The following SIPA1L2 variants were observed in gnomAD, a reference collection of about 807,000 sequenced individuals.
SIPA1L2 encodes signal-induced proliferation-associated 1-like protein 2.
Under a neutral mutation model 163.9 loss-of-function variants are expected in SIPA1L2, and 56 were observed. The observed-to-expected ratio is 0.34, with a 90% CI of 0.28 to 0.43. SIPA1L2 has a LOEUF of 0.43. SIPA1L2 is among the 20% of genes least tolerant of loss of function. The pLI is 1.00. For missense variants in SIPA1L2, 1,974 were observed against 2,193.5 expected, an observed-to-expected ratio of 0.90 and a Z score of 2.00; for synonymous variants, 877 against 865.7, an observed-to-expected ratio of 1.01 and a Z score of -0.23.
Position 232,465,076 on chromosome 1 carries a change from G to A in SIPA1L2, c.2584C>T (p.Arg862Trp), listed in dbSNP as rs779861491. 5.0e-6 allele frequency: 8 copies of A among 1,614,078 alleles called. No individual in the cohort carries two copies. The highest frequency in any genetic ancestry group is 3.3e-5 in the South Asian group (3 of 91,072). ...IGAIMWHVIA[R>W]DFGQSADIEC... ...ATGTCAGCAGACTGGCCGAAGTCCCGGGCTATCACGTGCCACATGATGGCC... is the reference window on the plus strand; with the variant it reads ...ATGTCAGCAGACTGGCCGAAGTCCCAGGCTATCACGTGCCACATGATGGCC... The change falls in exon 9 of 23, where the codon CGG becomes TGG. Residue 862 changes from arginine (R) to tryptophan (W), a missense_variant. By Grantham distance (101) the Arg-to-Trp change is moderately radical (BLOSUM62 -3). Coordinates refer to ENST00000674635, the MANE Select transcript of SIPA1L2 (RefSeq NM_020808.5). The surrounding 1 kb of genome is among the most constrained non-coding windows in gnomAD (Gnocchi z 4.1).
intron 9 of SIPA1L2, among the ~76,000 whole-genome samples, chr1:232,463,944 T>C (rs1664375675): frequency 6.6e-6 from 1 of 152,114 alleles, no homozygotes; most frequent in African/African-American, 2.4e-5. Context: ...TGGTCTCTAA[T>C]AACAAAAGGG....
At chr1:232,513,654 AC>A (rs1187165898) in intron 3 of SIPA1L2, among the ~76,000 whole-genome samples, 1 of 152,202 alleles carries the variant, frequency 6.6e-6, no homozygotes, top group Non-Finnish European at 1.5e-5. Flanking sequence ...CTACCCATAA[AC>A]AAAGGCATGG....
chr1:232,620,280 T>C lies in SIPA1L2; in HGVS notation c.-319+9589A>G, dbSNP rs10495332. ...TTAAACACACTAATGCTTGCAGGGA[T>C]GACAAGGAAAGCAAGTGCATATTGC... On this transcript the variant is annotated intron_variant, in intron 1 of 22. Coordinates refer to ENST00000674635, the MANE Select transcript of SIPA1L2 (RefSeq NM_020808.5). Among the ~76,000 whole-genome samples, 4,603 of 152,268 alleles carry C rather than the reference T, an allele frequency of 0.03. 378 individuals carry two copies. The East Asian group carries it at 0.35, about 12-fold the overall frequency.
At chr1:232,613,790 T>C (rs1209694319) in intron 1 of SIPA1L2, among the ~76,000 whole-genome samples, 2 of 152,102 alleles carry the variant, frequency 1.3e-5, no homozygotes, top group Non-Finnish European at 2.9e-5. Context: ...AATATGACCT[T>C]TCAGGTGCTA....
At chr1:232,622,082 C>A (rs1662838424) in intron 1 of SIPA1L2, among the ~76,000 whole-genome samples, 2 of 152,124 alleles carry the variant, frequency 1.3e-5, no homozygotes, top group African/African-American at 4.8e-5. Context: ...TGAGTTACAA[C>A]GATCCTCAAA....
At chr1:232,583,485 T>C (rs934892225) in intron 1 of SIPA1L2, among the ~76,000 whole-genome samples, 4 of 152,158 alleles carry the variant, frequency 2.6e-5, no homozygotes, top group South Asian at 2.1e-4. Flanking sequence ...AGACCATCCA[T>C]GGTCAAATGG....
chr1:232,456,487 T>A (rs1314205594), intron 10 of SIPA1L2, among the ~76,000 whole-genome samples: 1 of 152,160 alleles, frequency 6.6e-6, no homozygotes, highest in Non-Finnish European at 1.5e-5. Flanking sequence ...GTCAACAAAG[T>A]ATGAAAAAAA....
At chr1:232,531,642 T>C (rs969104487) in intron 2 of SIPA1L2, among the ~76,000 whole-genome samples, 1 of 152,168 alleles carries the variant, frequency 6.6e-6, no homozygotes, top group Admixed American at 6.5e-5. Context: ...CAGAGGAACA[T>C]CTTTTGGTTC....
intron 1 of SIPA1L2, among the ~76,000 whole-genome samples, chr1:232,604,268 G>C (rs1262880564): frequency 6.6e-6 from 1 of 152,124 alleles, no homozygotes; most frequent in Non-Finnish European, 1.5e-5. Context: ...TTTGTATTTT[G>C]ACTTTAAAAA....
intron 2 of SIPA1L2, among the ~76,000 whole-genome samples, chr1:232,518,294 T>C (rs1667301037): frequency 6.6e-6 from 1 of 152,170 alleles, no homozygotes; most frequent in Non-Finnish European, 1.5e-5. Context: ...CCCTTTCTTC[T>C]GGTAATGGTG....
chr1:232,441,837 C>G lies in SIPA1L2; in HGVS notation c.3469G>C (p.Gly1157Arg), dbSNP rs1330207683. 2 of 1,613,512 alleles carry G rather than the reference C, an allele frequency of 1.2e-6. No homozygotes were observed. The highest frequency in any genetic ancestry group is 2.2e-5 in the East Asian group (1 of 44,856). Residue 1157 changes from glycine (G) to arginine (R), a missense_variant, in exon 13 of 23, where the codon GGC becomes CGC. Physicochemically the swap from Gly to Arg is moderately radical, Grantham distance 125 (BLOSUM62 -2). Coordinates refer to ENST00000674635, the MANE Select transcript of SIPA1L2 (RefSeq NM_020808.5). ...CQSPLLLEHQ[G>R]SGPLECDGAR... ...CCGTCACATTCCAAAGGGCCTGAGCCCTGGTGTTCGAGCAGTAGAGGGGAC... is the reference window on the plus strand; with the variant it reads ...CCGTCACATTCCAAAGGGCCTGAGCGCTGGTGTTCGAGCAGTAGAGGGGAC...
chr1:232,464,041 C>A (rs1285658488), intron 9 of SIPA1L2, among the ~76,000 whole-genome samples: 1 of 151,712 alleles, frequency 6.6e-6, no homozygotes, highest in Non-Finnish European at 1.5e-5. Flanking sequence ...TAAACCTTTT[C>A]TAATTAAAAA....
At chr1:232,573,915 T>C (rs1659942303) in intron 2 of SIPA1L2, among the ~76,000 whole-genome samples, 1 of 152,158 alleles carries the variant, frequency 6.6e-6, no homozygotes, top group Admixed American at 6.5e-5. Flanking sequence ...CATTCAGGGA[T>C]GCTCACAGCA....
rs116812226 is a variant in SIPA1L2 at position 232,617,991 on chromosome 1, C to G, written c.-319+11878G>C. On this transcript the variant is annotated intron_variant, in intron 1 of 22. Coordinates refer to ENST00000674635, the MANE Select transcript of SIPA1L2 (RefSeq NM_020808.5). ...GGATGGGTAGAAGACGGAGAGACAT[C>G]TATAAAGCAAATAAAGCCAGACCTA... Among the ~76,000 whole-genome samples the G allele has an allele frequency of 3.5e-3, 530 of 152,272 alleles. 4 individuals are homozygous for G. Among genetic ancestry groups the G allele is most frequent in the African/African-American group, 0.012 (508 of 41,552 alleles).
intron 4 of SIPA1L2, 111 bp from the exon 5 acceptor site, chr1:232,491,173 G>T: frequency 1.0e-6 from 1 of 959,446 alleles, no homozygotes; most frequent in Non-Finnish European, 1.5e-6. Context: ...GGCTCTTTCT[G>T]AGTGTAGTGA....
intron 1 of SIPA1L2, among the ~76,000 whole-genome samples, chr1:232,589,278 C>T (rs1660843783): frequency 1.3e-5 from 2 of 152,200 alleles, no homozygotes; most frequent in Non-Finnish European, 1.5e-5. Flanking sequence ...ATTTGGATCT[C>T]CATTAATCTT....
At chr1:232,490,134 C>A (rs950796893) in intron 5 of SIPA1L2, among the ~76,000 whole-genome samples, 1 of 152,146 alleles carries the variant, frequency 6.6e-6, no homozygotes, top group African/African-American at 2.4e-5. Flanking sequence ...GCCTAGCATA[C>A]CAGGTCTCAT....
intron 22 of SIPA1L2, 77 bp downstream of exon 22, chr1:232,402,315 T>G (rs1292653031): frequency 7.5e-6 from 10 of 1,332,578 alleles, no homozygotes; most frequent in Non-Finnish European, 1.0e-5. Context: ...CTGAGTCTTT[T>G]CAATTTATCT....
chr1:232,522,975 T>C (rs1049002299), intron 2 of SIPA1L2, among the ~76,000 whole-genome samples: 4 of 152,204 alleles, frequency 2.6e-5, no homozygotes, highest in African/African-American at 7.2e-5. Context: ...GTGTTTAAGC[T>C]GATTCTCCAA....
Sources: gnomAD v4.1 joint callset for allele counts (sites outside exome capture counted in the v4.1 genomes callset) on GRCh38, gnomAD v4.1.1 for gene constraint, Gnocchi (gnomAD v3.1) non-coding constraint, MANE v1.5 for transcripts, NCBI Gene and HGNC (gene_info 2026-07-23, HGNC 2026-07-21) for gene names.